ZSCAN25: variants seen among roughly 807,000 people sequenced by gnomAD.
ZSCAN25 encodes the protein zinc finger and SCAN domain-containing protein 25.
In ZSCAN25, 27 loss-of-function variants were observed where a neutral mutation model predicts 38.7. The ratio of observed to expected loss-of-function variants is 0.70; its 90% CI spans 0.51 to 0.96. The LOEUF (loss-of-function observed/expected upper bound fraction) is 0.96. Ranked by LOEUF, ZSCAN25 falls within the 40% of genes least tolerant of loss-of-function variation. The probability of loss-of-function intolerance (pLI) is 0.00; values close to 1 mark genes in which losing one functional copy is unlikely to be tolerated. For missense variants in ZSCAN25, 637 were observed against 705.9 expected (o/e 0.90, Z 1.11); for synonymous variants, 273 against 277.7 (o/e 0.98, Z 0.17).
chr7:99,689,100 TA>T, the ZSCAN25 span, among the ~76,000 whole-genome samples: 2 of 151,958 alleles, frequency 1.3e-5, no homozygotes, highest in Non-Finnish European at 2.9e-5. Context: ...ACATCACAAT[TA>T]AAAGAACTAG....
chr7:99,715,788 T>C, the ZSCAN25 span: 1 of 1,613,882 alleles, frequency 6.2e-7, no homozygotes, highest in South Asian at 1.1e-5. Flanking sequence ...TCTAATGGAT[T>C]AAATCTTAAA....
At chr7:99,628,748 C>T (rs1266486380) in intron 7 of ZSCAN25, among the ~76,000 whole-genome samples, 1 of 152,160 alleles carries the variant, frequency 6.6e-6, no homozygotes, top group Non-Finnish European at 1.5e-5. Flanking sequence ...TGTGTGCTGC[C>T]CTGTGCTACA....
the ZSCAN25 span, among the ~76,000 whole-genome samples, chr7:99,704,303 AT>A: frequency 6.6e-6 from 1 of 152,054 alleles, no homozygotes; most frequent in Non-Finnish European, 1.5e-5. Context: ...GCATAATTTT[AT>A]TTTTTAGATG....
chr7:99,638,708 G>A, the ZSCAN25 span: 23 of 1,342,984 alleles, frequency 1.7e-5, no homozygotes, highest in East Asian at 4.6e-5. Flanking sequence ...GCATCCAGGC[G>A]CAACATGAGG....
chr7:99,717,167 T>G, the ZSCAN25 span: 38 of 1,613,670 alleles, frequency 2.4e-5, no homozygotes, highest in Non-Finnish European at 3.2e-5. Flanking sequence ...ATGGCTGTGC[T>G]CCTACTTACT....
chr7:99,632,643 A>G (rs912739931), downstream of ZSCAN25, among the ~76,000 whole-genome samples: 4 of 152,134 alleles, frequency 2.6e-5, no homozygotes, highest in Non-Finnish European at 5.9e-5. Context: ...AACAAATATT[A>G]ACTGGGCATG....
the ZSCAN25 span, among the ~76,000 whole-genome samples, chr7:99,657,774 G>A: frequency 6.6e-6 from 1 of 152,092 alleles, no homozygotes; most frequent in Non-Finnish European, 1.5e-5. Context: ...CTCCTGTATT[G>A]GGTGCATATA....
downstream of ZSCAN25, among the ~76,000 whole-genome samples, chr7:99,633,115 A>G (rs1808124836): frequency 2.0e-5 from 3 of 151,728 alleles, no homozygotes. Context: ...CCTCCCAAGT[A>G]GCTGGGATTA....
At chr7:99,691,911 A>G in the ZSCAN25 span, among the ~76,000 whole-genome samples, 1 of 152,004 alleles carries the variant, frequency 6.6e-6, no homozygotes, top group African/African-American at 2.4e-5. Context: ...GTTAATATTG[A>G]TATGTGTGAA....
chr7:99,714,575 G>T, the ZSCAN25 span: 1 of 1,612,528 alleles, frequency 6.2e-7, no homozygotes, highest in South Asian at 1.1e-5. Context: ...TCTTTGAGGC[G>T]ACCTTCTTTT....
At chr7:99,698,102 G>C in the ZSCAN25 span, among the ~76,000 whole-genome samples, 1 of 151,918 alleles carries the variant, frequency 6.6e-6, no homozygotes, top group Admixed American at 6.6e-5. Flanking sequence ...TACCACTTTT[G>C]GTTCCAATGA....
At chr7:99,659,122 G>A in the ZSCAN25 span, 6 of 152,166 alleles carry the variant, frequency 3.9e-5, no homozygotes, top group African/African-American at 2.4e-5. Flanking sequence ...TTGCTGGTGC[G>A]GAGCTGCGTT....
the ZSCAN25 span, among the ~76,000 whole-genome samples, chr7:99,694,490 G>A: frequency 6.6e-6 from 1 of 152,128 alleles, no homozygotes; most frequent in East Asian, 1.9e-4. Flanking sequence ...CTTGCTCAGC[G>A]TTTTCACTGA....
the ZSCAN25 span, chr7:99,731,077 A>G: frequency 8.7e-5 from 141 of 1,613,732 alleles, no homozygotes; most frequent in African/African-American, 1.7e-3. Flanking sequence ...AGGACAAAGC[A>G]TTTCCCAAAA....
chr7:99,698,675 A>T, the ZSCAN25 span, among the ~76,000 whole-genome samples: 1 of 152,190 alleles, frequency 6.6e-6, no homozygotes, highest in Non-Finnish European at 1.5e-5. Flanking sequence ...CTTTAGACTC[A>T]TATTCCTGAC....
chr7:99,694,984 T>TTA, the ZSCAN25 span, among the ~76,000 whole-genome samples: 1 of 150,082 alleles, frequency 6.7e-6, no homozygotes, highest in African/African-American at 2.4e-5. Context: ...TGCCTTTGTT[T>TTA]AAAAAAAAAA....
chr7:99,723,698 C>A, the ZSCAN25 span, among the ~76,000 whole-genome samples: 1 of 152,196 alleles, frequency 6.6e-6, no homozygotes, highest in Admixed American at 6.5e-5. Context: ...GGTCATCTCA[C>A]CAATTTTAAA....
the ZSCAN25 span, among the ~76,000 whole-genome samples, chr7:99,660,834 G>A: frequency 3.0e-4 from 46 of 152,238 alleles, no homozygotes; most frequent in Non-Finnish European, 2.4e-4. Context: ...CCAGGATGAC[G>A]CAAAATCATT....
the ZSCAN25 span, among the ~76,000 whole-genome samples, chr7:99,719,318 G>A: frequency 6.6e-6 from 1 of 152,064 alleles, no homozygotes. Flanking sequence ...GTGATCAATG[G>A]GACAGAATAG....
Sources: allele counts gnomAD v4.1 joint callset (sites outside exome capture counted in the v4.1 genomes callset), GRCh38; gene constraint gnomAD v4.1.1; transcripts MANE v1.5; gene names NCBI Gene and HGNC (gene_info 2026-07-23, HGNC 2026-07-21).